The following RAB18 variants were observed in gnomAD, a reference collection of about 807,000 sequenced individuals.
RAB18 encodes the protein RAB18, member RAS oncogene family.
Under a neutral mutation model 28.5 loss-of-function variants are expected in RAB18, and 10 were observed. The observed-to-expected ratio is 0.35, with a 90% CI of 0.22 to 0.60. The LOEUF is 0.60. Ranked by LOEUF, RAB18 falls within the 20% of genes least tolerant of loss-of-function variation. The pLI is 0.78. For missense variants in RAB18, 188 were observed against 244.2 expected (o/e 0.77, Z 1.53); for synonymous variants, 93 against 86.9 (o/e 1.07, Z -0.39).
In RAB18 at chr10:27,538,304, GAT is replaced by G; in HGVS notation, c.*254_*255del. The G allele has an allele frequency of 1.7e-6, 1 of 599,196 alleles. No individual in the cohort carries two copies. The highest frequency in any genetic ancestry group is 3.1e-6 in the Non-Finnish European group (1 of 321,986). 37.1% of individuals were successfully genotyped at this position (599,196 alleles called of 1,614,324 possible). ...CCTTTATAAGTACATTCAATTTTAT[GAT>G]TTACATTTATCATGTAATTTTTAAA... On this transcript the variant is annotated 3_prime_UTR_variant, in exon 7 of 7. Coordinates refer to ENST00000356940, the MANE Select transcript of RAB18 (RefSeq NM_021252.5).
In RAB18 at chr10:27,540,353, A is replaced by G. The variant is rs190504134; in HGVS notation, c.*2302A>G. On this transcript the variant is annotated 3_prime_UTR_variant, in exon 7 of 7. Transcript: ENST00000356940. ...CATAGCTACTCAGTCACTGAGCTGGATTCCAGTCATGGCATTTTTACTTCT... is the reference window on the plus strand; with the variant it reads ...CATAGCTACTCAGTCACTGAGCTGGGTTCCAGTCATGGCATTTTTACTTCT... The G allele has an allele frequency of 3.5e-4, 159 of 454,072 alleles. 2 individuals are homozygous for G. The East Asian group carries it at 8.5e-3, about 24-fold the overall frequency. The allele number at this position is 454,072 out of a possible 1,614,324, so 28.1% of individuals were successfully genotyped here.
intron 6 of RAB18, among the ~76,000 whole-genome samples, chr10:27,537,650 GT>G (rs1424460701): frequency 6.6e-6 from 1 of 152,030 alleles, no homozygotes; most frequent in Non-Finnish European, 1.5e-5. Context: ...ATAAACCAGT[GT>G]TTTTTTGGTA....
chr10:27,506,892 T>A (rs1017252703), intron 1 of RAB18, among the ~76,000 whole-genome samples: 14 of 151,986 alleles, frequency 9.2e-5, no homozygotes, highest in African/African-American at 3.4e-4. Flanking sequence ...AGCAATGGAT[T>A]ATCAACTGCT....
intron 6 of RAB18, 27 bp from the exon 7 acceptor site, chr10:27,537,849 T>C: frequency 6.3e-7 from 1 of 1,587,836 alleles, no homozygotes. Flanking sequence ...GAATATACTA[T>C]GAATGACCTT....
Position 27,540,030 on chromosome 10 carries a change from T to C in RAB18, c.*1979T>C, listed in dbSNP as rs901220589. Reference sequence around the variant, plus strand: ...AGTAACAGGGTTTTGTTAATTCTTTTCAGAATCATTGAAGCAGTCTTAAAG... The same window carrying C: ...AGTAACAGGGTTTTGTTAATTCTTTCCAGAATCATTGAAGCAGTCTTAAAG... On this transcript the variant is annotated 3_prime_UTR_variant, in exon 7 of 7. Coordinates refer to ENST00000356940, the MANE Select transcript of RAB18 (RefSeq NM_021252.5). The C allele has an allele frequency of 8.8e-6, 4 of 453,944 alleles. No individual in the cohort carries two copies. Among genetic ancestry groups the C allele is most frequent in the South Asian group, 1.6e-5 (1 of 64,484 alleles). The allele number at this position is 453,944 out of a possible 1,614,324, so 28.1% of individuals were successfully genotyped here. A position where few individuals can be genotyped will look rare whatever the true frequency, so the allele number is the denominator to read the frequency against.
chr10:27,520,363 C>T (rs1834521089), intron 2 of RAB18, among the ~76,000 whole-genome samples: 1 of 150,754 alleles, frequency 6.6e-6, no homozygotes, highest in African/African-American at 2.4e-5. Context: ...TAATGTGAAC[C>T]TTTTCTCTCA....
intron 6 of RAB18, among the ~76,000 whole-genome samples, chr10:27,537,461 G>A (rs1194079286): frequency 1.3e-5 from 2 of 152,154 alleles, no homozygotes; most frequent in East Asian, 3.8e-4. Context: ...CTGCTTGGTT[G>A]AAGGCACAGA....
chr10:27,506,699 A>G (rs1224691804), intron 1 of RAB18, among the ~76,000 whole-genome samples: 2 of 151,988 alleles, frequency 1.3e-5, no homozygotes, highest in Non-Finnish European at 2.9e-5. Flanking sequence ...CTCAAGCCAA[A>G]CTCCTGCCTC....
chr10:27,515,808 C>T (rs1012280744), intron 2 of RAB18, among the ~76,000 whole-genome samples: 1 of 152,010 alleles, frequency 6.6e-6, no homozygotes, highest in Non-Finnish European at 1.5e-5. Flanking sequence ...TACATTTTAC[C>T]TGTTGAATCA....
intron 2 of RAB18, among the ~76,000 whole-genome samples, chr10:27,511,054 G>T (rs987762261): frequency 6.6e-6 from 1 of 152,072 alleles, no homozygotes; most frequent in Non-Finnish European, 1.5e-5. Flanking sequence ...TTTCTTAAAT[G>T]AACATAGATA....
intron 2 of RAB18, among the ~76,000 whole-genome samples, chr10:27,522,117 G>A (rs1473212022): frequency 2.6e-5 from 4 of 152,120 alleles, no homozygotes; most frequent in Admixed American, 6.6e-5. Flanking sequence ...AAAATAATCA[G>A]TATTTTCAGT....
chr10:27,522,515 A>C (rs1210229935), intron 2 of RAB18, among the ~76,000 whole-genome samples: 1 of 152,134 alleles, frequency 6.6e-6, no homozygotes, highest in Non-Finnish European at 1.5e-5. Flanking sequence ...CAATCTTTTG[A>C]TAGGAGAGTT....
intron 2 of RAB18, among the ~76,000 whole-genome samples, chr10:27,512,776 T>C (rs535736018): frequency 6.6e-6 from 1 of 152,050 alleles, no homozygotes; most frequent in Non-Finnish European, 1.5e-5. Flanking sequence ...AACATACATA[T>C]AATATTAACT....
chr10:27,505,129 G>A, intron 1 of RAB18: 1 of 533,422 alleles, frequency 1.9e-6, no homozygotes, highest in South Asian at 1.4e-5. Flanking sequence ...GATTAGTGTT[G>A]TGCTTTCATT....
chr10:27,533,689 C>T (rs1357269211), intron 4 of RAB18, 46 bp from the exon 5 acceptor site: 1 of 1,414,848 alleles, frequency 7.1e-7, no homozygotes, highest in Non-Finnish European at 9.8e-7. Context: ...TACGCCATTG[C>T]TTCTTTCTTT....
intron 2 of RAB18, 24 bp from the exon 3 acceptor site, chr10:27,526,804 T>TA: frequency 6.2e-7 from 1 of 1,612,716 alleles, no homozygotes; most frequent in East Asian, 2.2e-5. Context: ...CTGGGAGACT[T>TA]ATCAAAATTT....
chr10:27,504,590 C>T (rs750156549), intron 1 of RAB18, 153 bp downstream of exon 1: 23 of 921,212 alleles, frequency 2.5e-5, no homozygotes, highest in Non-Finnish European at 3.3e-5. Context: ...CCGCGCTCTC[C>T]CGCGACGTTT....
At chr10:27,508,035 AAG>A (rs1491391981) in intron 1 of RAB18, among the ~76,000 whole-genome samples, 140 of 150,714 alleles carry the variant, frequency 9.3e-4, no homozygotes, top group African/African-American at 1.5e-3. Context: ...AAAAAAAAAA[AAG>A]TGTGCTTCTT....
intron 6 of RAB18, among the ~76,000 whole-genome samples, chr10:27,537,355 G>A (rs1834921163): frequency 6.6e-6 from 1 of 152,206 alleles, no homozygotes; most frequent in Non-Finnish European, 1.5e-5. Flanking sequence ...CGCAGGGTTG[G>A]AAGCAGTGCT....
Sources: gnomAD v4.1 joint callset for allele counts (sites outside exome capture counted in the v4.1 genomes callset) on GRCh38, gnomAD v4.1.1 for gene constraint, MANE v1.5 for transcripts, NCBI Gene and HGNC (gene_info 2026-07-23, HGNC 2026-07-21) for gene names.